TAB1: variants seen among roughly 807,000 people sequenced by gnomAD.
The protein encoded by TAB1 is TGF-beta-activated kinase 1 and MAP3K7-binding protein 1.
In TAB1, 30 loss-of-function variants were observed where a neutral mutation model predicts 54.5. The observed-to-expected ratio is 0.55, with a 90% CI of 0.41 to 0.75. The LOEUF is 0.75. Among genes scored for constraint, TAB1 ranks in the 30% least tolerant of loss-of-function variants. TAB1 has a pLI of 0.00. For synonymous variants in TAB1, 289 were observed against 286.9 expected, an observed-to-expected ratio of 1.01 and a Z score of -0.07; for missense variants, 609 against 683.2, an observed-to-expected ratio of 0.89 and a Z score of 1.21.
intron 8 of TAB1, among the ~76,000 whole-genome samples, chr22:39,423,868 G>A (rs1927200504): frequency 1.3e-5 from 2 of 151,520 alleles, no homozygotes; most frequent in South Asian, 4.2e-4. Flanking sequence ...AGTGTACATT[G>A]TAACTAATGT....
At chr22:39,416,969 C>A in intron 4 of TAB1, 92 bp downstream of exon 4, 1 of 1,286,396 alleles carries the variant, frequency 7.8e-7, no homozygotes. Context: ...ATTACTGGGC[C>A]AGAGCAACAG....
At chr22:39,421,513 G>T (rs1927090277) in intron 7 of TAB1, among the ~76,000 whole-genome samples, 1 of 152,122 alleles carries the variant, frequency 6.6e-6, no homozygotes, top group South Asian at 2.1e-4. Flanking sequence ...CCCTCTTGCT[G>T]TCCCACACCC....
At position 39,424,314 on chromosome 22, in the gene TAB1, G is replaced by A. The variant is rs754976687; in HGVS notation, c.921+2343G>A. ...TGCTGCTATAAACATACGTGTGCAA[G>A]TATCTTTTTCATATAATGACTTATT... On this transcript the variant is annotated intron_variant, in intron 8 of 10. Transcript: ENST00000216160. Among the ~76,000 whole-genome samples, 51 of 151,990 alleles carry A rather than the reference G, an allele frequency of 3.4e-4. 1 individual carries two copies. The highest frequency in any genetic ancestry group is 5.4e-4 in the Non-Finnish European group (37 of 68,024).
Position 39,415,696 on chromosome 22 carries a change from C to T in TAB1, c.324+43C>T, listed in dbSNP as rs1926802625. The T allele has an allele frequency of 3.1e-6, 5 of 1,587,528 alleles. No individual in the cohort carries two copies. In the African/African-American group the frequency reaches 4.0e-5, roughly 13 times the overall value. On this transcript the variant is annotated intron_variant, in intron 3 of 10. Coordinates refer to ENST00000216160, the MANE Select transcript of TAB1 (RefSeq NM_006116.3). This position sits in a 1 kb window ranked among gnomAD's most constrained non-coding sequence, Gnocchi z 4.9. ...AACAGTGACCCAGCCACATCATGTC[C>T]CCCACCCCAAGGCTTGGGCCCTGCA...
At chr22:39,411,727 A>G (rs1392594463) in intron 1 of TAB1, among the ~76,000 whole-genome samples, 3 of 152,230 alleles carry the variant, frequency 2.0e-5, no homozygotes, top group Non-Finnish European at 4.4e-5. Context: ...ACTCCTAGGT[A>G]TTTACCCTGG....
At chr22:39,433,489 C>T (rs934594501), downstream of TAB1, 1 of 985,334 alleles carries the variant, frequency 1.0e-6, no homozygotes, top group South Asian at 4.7e-5. Flanking sequence ...CTCCCAAAAC[C>T]CAGCTAGGTT....
downstream of TAB1, among the ~76,000 whole-genome samples, chr22:39,434,741 A>C (rs1158001714): frequency 6.6e-6 from 1 of 152,206 alleles, no homozygotes; most frequent in South Asian, 2.1e-4. Flanking sequence ...GTGACCAGTC[A>C]CCTGATCCAG....
At chr22:39,432,962 A>G, downstream of TAB1, 2 of 985,444 alleles carry the variant, frequency 2.0e-6, no homozygotes, top group Middle Eastern at 1.0e-3. Flanking sequence ...TGAATGGCAC[A>G]GCGAGGCGAA....
Position 39,431,750 on chromosome 22 carries a change from A to G in TAB1, c.*1528A>G, listed in dbSNP as rs1927595059. 2.0e-6 allele frequency: 2 copies of G among 985,372 alleles called. No individual in the cohort carries two copies. The highest frequency in any genetic ancestry group is 9.4e-5 in the South Asian group (2 of 21,282). The allele number at this position is 985,372 out of a possible 1,614,324, so 61.0% of individuals were successfully genotyped here. ...CAGGTGAGAGGATTTAAAGTCAGTC[A>G]CAAAGGCTTGGGAACAAAAGGAATT... On this transcript the variant is annotated 3_prime_UTR_variant, in exon 11 of 11. Transcript: ENST00000216160.
In TAB1 at chr22:39,415,754, T is replaced by G; in HGVS notation, c.324+101T>G. The G allele has an allele frequency of 6.9e-7, 1 of 1,447,818 alleles. No individual in the cohort carries two copies. Among genetic ancestry groups the G allele is most frequent in the Non-Finnish European group, 9.2e-7 (1 of 1,081,644 alleles). The allele number at this position is 1,447,818 out of a possible 1,614,324, so 89.7% of individuals were successfully genotyped here. A position where few individuals can be genotyped will look rare whatever the true frequency, so the allele number is the denominator to read the frequency against. On this transcript the variant is annotated intron_variant, in intron 3 of 10. Coordinates refer to ENST00000216160, the MANE Select transcript of TAB1 (RefSeq NM_006116.3). This position sits in a 1 kb window ranked among gnomAD's most constrained non-coding sequence, Gnocchi z 4.9. ...CATGTTGCCAGGGTTGGTGTGAAGA[T>G]CCTGCCGGCCCCTTCACCCCAGTAG...
chr22:39,414,377 T>C (rs1926733058), intron 1 of TAB1, among the ~76,000 whole-genome samples: 1 of 152,148 alleles, frequency 6.6e-6, no homozygotes, highest in Non-Finnish European at 1.5e-5. Flanking sequence ...GGATGTCCTA[T>C]AAACTAGCTC....
rs947321063 is a variant in TAB1, at chr22:39,428,155, C to G, written c.1279C>G (p.Leu427Val). ...CAACGGGGCTCACAGTGCTTCCACC[C>G]TGGACGAAGCCACCCCCACCCTCAC... ...MVNGAHSAST[L>V]DEATPTLTNQ... Residue 427 changes from leucine to valine, a missense_variant, in exon 10 of 11, where the codon CTG becomes GTG. Physicochemically the swap from Leu to Val is conservative, Grantham distance 32. Coordinates refer to ENST00000216160, the MANE Select transcript of TAB1 (RefSeq NM_006116.3). 1 of 1,610,814 alleles carries G rather than the reference C, an allele frequency of 6.2e-7. No homozygotes were observed.
chr22:39,423,888 T>A (rs1927202378), intron 8 of TAB1, among the ~76,000 whole-genome samples: 1 of 151,818 alleles, frequency 6.6e-6, no homozygotes, highest in African/African-American at 2.4e-5. Context: ...TATAGTGTTT[T>A]ATAGTGTACA....
Position 39,431,593 on chromosome 22 carries a change from T to G in TAB1, c.*1371T>G. The G allele has an allele frequency of 1.0e-6, 1 of 985,398 alleles. No individual in the cohort carries two copies. The highest frequency in any genetic ancestry group is 1.2e-6 in the Non-Finnish European group (1 of 829,956). 61.0% of individuals were successfully genotyped at this position (985,398 alleles called of 1,614,324 possible). On this transcript the variant is annotated 3_prime_UTR_variant, in exon 11 of 11. Coordinates refer to ENST00000216160, the MANE Select transcript of TAB1 (RefSeq NM_006116.3). ...TCTGTGGCCTGGGAATCCATTTTCCTGCGGCAGAGCAGGGCCTGGTGTGGA... is the reference window on the plus strand; with the variant it reads ...TCTGTGGCCTGGGAATCCATTTTCCGGCGGCAGAGCAGGGCCTGGTGTGGA...
At position 39,430,467 on chromosome 22, in the gene TAB1, C is replaced by T. The variant is rs534565930; in HGVS notation, c.*245C>T. The T allele has an allele frequency of 2.7e-3, 3,733 of 1,395,208 alleles. 7 individuals are homozygous for T. Among genetic ancestry groups the T allele is most frequent in the Non-Finnish European group, 3.2e-3 (3,474 of 1,073,208 alleles). 86.4% of individuals were successfully genotyped at this position (1,395,208 alleles called of 1,614,324 possible). A position where few individuals can be genotyped will look rare whatever the true frequency, so the allele number is the denominator to read the frequency against. On this transcript the variant is annotated 3_prime_UTR_variant, in exon 11 of 11. Coordinates refer to ENST00000216160, the MANE Select transcript of TAB1 (RefSeq NM_006116.3). ...CCCAGATGGCCTCAGCCAGGACCAT[C>T]GCCCTTTCTCAGAGCAGAGGGCCAG...
downstream of TAB1, chr22:39,433,637 A>T (rs992745370): frequency 1.2e-5 from 12 of 984,936 alleles, no homozygotes; most frequent in South Asian, 4.7e-5. Context: ...TCATTCTCTC[A>T]TGAGCTGGGA....
At chr22:39,400,058 C>G (rs1416439241) in intron 1 of TAB1, among the ~76,000 whole-genome samples, 1 of 152,142 alleles carries the variant, frequency 6.6e-6, no homozygotes, top group Non-Finnish European at 1.5e-5. Context: ...GGGCTGTGGG[C>G]TGCTGCTGCC....
intron 7 of TAB1, among the ~76,000 whole-genome samples, chr22:39,420,823 C>T (rs192422910): frequency 0.016 from 808 of 50,576 alleles, 76 homozygotes; most frequent in South Asian, 0.04. Flanking sequence ...GTGTGTTTGT[C>T]CTGGGGGCCA....
chr22:39,421,081 C>CT (rs1452697012), intron 7 of TAB1, among the ~76,000 whole-genome samples: 9 of 150,134 alleles, frequency 6.0e-5, no homozygotes, highest in African/African-American at 1.5e-4. Context: ...TCCTTCTTTT[C>CT]TTTTTTTTTA....
Sources: gnomAD v4.1 joint callset for allele counts (sites outside exome capture counted in the v4.1 genomes callset) on GRCh38, gnomAD v4.1.1 for gene constraint, Gnocchi (gnomAD v3.1) non-coding constraint, MANE v1.5 for transcripts, NCBI Gene and HGNC (gene_info 2026-07-23, HGNC 2026-07-21) for gene names.